RAB11FIP4: variants seen among roughly 807,000 people sequenced by gnomAD.
RAB11FIP4 encodes RAB11 family interacting protein 4.
A neutral mutation model predicts 74.3 loss-of-function variants in RAB11FIP4; 23 were observed. The ratio of observed to expected loss-of-function variants is 0.31; its 90% confidence interval spans 0.22 to 0.44. The LOEUF (loss-of-function observed/expected upper bound fraction) is 0.44, where lower values mean the gene tolerates loss of function less well. Among genes scored for constraint, RAB11FIP4 ranks in the 20% least tolerant of loss-of-function variants. The pLI is 1.00. For missense variants in RAB11FIP4, 630 were observed against 863.9 expected (o/e 0.73, Z 3.39); for synonymous variants, 360 against 359.9 (o/e 1.00, Z 0.00).
In RAB11FIP4 at chr17:31,537,012, A is replaced by T. The variant is rs372200031; in HGVS notation, c.*5280A>T. ...ACCAGCTGGGGATGGCATCCAGGCC[A>T]TGTCTCCTGCAGGATCCAAGTGCTG... On this transcript the variant is annotated 3_prime_UTR_variant, in exon 15 of 15. Transcript: ENST00000621161. 6 of 399,126 alleles carry T rather than the reference A, an allele frequency of 1.5e-5. No homozygotes were observed. Among genetic ancestry groups the T allele is most frequent in the Admixed American group, 4.4e-5 (1 of 22,724 alleles). The allele number at this position is 399,126 out of a possible 1,614,324, so 24.7% of individuals were successfully genotyped here.
chr17:31,469,069 T>C (rs1183265211), intron 3 of RAB11FIP4, among the ~76,000 whole-genome samples: 3 of 152,200 alleles, frequency 2.0e-5, no homozygotes, highest in Non-Finnish European at 4.4e-5. Context: ...GTATTGGCTT[T>C]CATTCTTATT....
chr17:31,488,447 G>A, intron 3 of RAB11FIP4: 1 of 674,904 alleles, frequency 1.5e-6, no homozygotes, highest in Non-Finnish European at 1.9e-6. Flanking sequence ...GCGGGTGGCG[G>A]CTCCTTCCCC....
intron 3 of RAB11FIP4, among the ~76,000 whole-genome samples, chr17:31,497,567 C>T (rs1448910754): frequency 2.0e-5 from 3 of 151,842 alleles, no homozygotes; most frequent in Non-Finnish European, 2.9e-5. Flanking sequence ...TGAGGCAGGA[C>T]GGAGAGAGAG....
intron 3 of RAB11FIP4, among the ~76,000 whole-genome samples, chr17:31,489,922 A>G (rs1039973010): frequency 2.6e-5 from 4 of 152,230 alleles, no homozygotes; most frequent in South Asian, 4.1e-4. Context: ...GAGGGGCGGG[A>G]CTAGCCAGGC....
At chr17:31,498,721 C>T (rs897731237) in intron 3 of RAB11FIP4, among the ~76,000 whole-genome samples, 2 of 152,208 alleles carry the variant, frequency 1.3e-5, no homozygotes, top group Non-Finnish European at 2.9e-5. Context: ...TGGATAGTGG[C>T]CTCTCTCTGG....
At chr17:31,410,320 G>A (rs1265370348) in intron 1 of RAB11FIP4, among the ~76,000 whole-genome samples, 3 of 152,074 alleles carry the variant, frequency 2.0e-5, no homozygotes, top group Non-Finnish European at 4.4e-5. Flanking sequence ...CGTGGTCCCA[G>A]GATGATGAGG....
chr17:31,437,171 T>C (rs1317964461), intron 3 of RAB11FIP4, among the ~76,000 whole-genome samples: 4 of 152,158 alleles, frequency 2.6e-5, no homozygotes, highest in Non-Finnish European at 4.4e-5. Context: ...AGTGGCAGCC[T>C]TGTTCATTAT....
At chr17:31,483,985 G>C (rs2071875859) in intron 3 of RAB11FIP4, among the ~76,000 whole-genome samples, 1 of 151,930 alleles carries the variant, frequency 6.6e-6, no homozygotes, top group South Asian at 2.1e-4. Context: ...GAGGTGGGGG[G>C]ATTGCTTGAG....
chr17:31,478,534 G>A lies in RAB11FIP4; in HGVS notation c.337-39117G>A, dbSNP rs80239689. ...TCAAGAGGGAGTGAAGAATTTCACC[G>A]GCTGATTTGACCACAGATCAATTTC... is the stretch of plus-strand genomic sequence containing the variant. On this transcript the variant is annotated intron_variant, in intron 3 of 14. Coordinates refer to ENST00000621161, the MANE Select transcript of RAB11FIP4 (RefSeq NM_032932.6). Among the ~76,000 whole-genome samples, 15 of 152,218 alleles carry A rather than the reference G, an allele frequency of 9.9e-5. No individual in the cohort carries two copies. The East Asian group carries it at 1.5e-3, about 16-fold the overall frequency.
At chr17:31,506,293 A>T (rs2072348039) in intron 3 of RAB11FIP4, among the ~76,000 whole-genome samples, 1 of 152,224 alleles carries the variant, frequency 6.6e-6, no homozygotes, top group Non-Finnish European at 1.5e-5. Context: ...ATATTTAGAG[A>T]GTACAGTCTG....
intron 3 of RAB11FIP4, among the ~76,000 whole-genome samples, chr17:31,437,044 C>T (rs1337245397): frequency 2.6e-5 from 4 of 152,124 alleles, no homozygotes; most frequent in Non-Finnish European, 5.9e-5. Context: ...CCCGCCTCGG[C>T]CTCCCAATGC....
chr17:31,525,168 C>T lies in RAB11FIP4; in HGVS notation c.1212C>T (p.His404=). Residue 404 remains histidine, a synonymous_variant, in exon 10 of 15, where the codon CAC becomes CAT. Coordinates refer to ENST00000621161, the MANE Select transcript of RAB11FIP4 (RefSeq NM_032932.6). Reference sequence around the variant, plus strand: ...CTCTGGAGGAGGAGGCGCGGCGCCACCGCGAGGCCTACGGCAAGCTGGAGA... The same window carrying T: ...CTCTGGAGGAGGAGGCGCGGCGCCATCGCGAGGCCTACGGCAAGCTGGAGA... ...EQALEEEARR[H]REAYGKLERE... The T allele has an allele frequency of 6.5e-7, 1 of 1,549,418 alleles. No individual in the cohort carries two copies. The highest frequency in any genetic ancestry group is 8.7e-7 in the Non-Finnish European group (1 of 1,146,944).
At chr17:31,444,357 C>CT (rs1555544265) in intron 3 of RAB11FIP4, among the ~76,000 whole-genome samples, 3 of 148,328 alleles carry the variant, frequency 2.0e-5, no homozygotes, top group East Asian at 1.9e-4. Flanking sequence ...ACACCCCCCC[C>CT]ACCCTTCTAA....
intron 3 of RAB11FIP4, among the ~76,000 whole-genome samples, chr17:31,504,720 T>C (rs1041481269): frequency 1.3e-5 from 2 of 152,184 alleles, no homozygotes; most frequent in African/African-American, 4.8e-5. Context: ...TATCACCCAA[T>C]ATCTACTCCA....
chr17:31,480,599 C>A (rs1486524132), intron 3 of RAB11FIP4, among the ~76,000 whole-genome samples: 1 of 151,860 alleles, frequency 6.6e-6, no homozygotes, highest in Non-Finnish European at 1.5e-5. Context: ...ACCACCCTGG[C>A]CAACATGGTG....
At chr17:31,493,973 C>T (rs949628071) in intron 3 of RAB11FIP4, among the ~76,000 whole-genome samples, 24 of 152,168 alleles carry the variant, frequency 1.6e-4, no homozygotes, top group African/African-American at 5.8e-4. Flanking sequence ...TCCTGTTCAT[C>T]CACCCCCCTG....
chr17:31,531,676 A>G lies in RAB11FIP4; in HGVS notation c.1858A>G (p.Lys620Glu). Residue 620 changes from lysine to glutamate, a missense_variant, in exon 15 of 15, where the codon AAG (lysine) becomes GAG (glutamate). Lys to Glu is a moderately conservative substitution (Grantham distance 56). Transcript: ENST00000621161. Reference sequence around the variant, plus strand: ...CTTCCGGCTGAGGCAGTACATGGACAAGATTATCCTCGCCATCCTGGACCA... The same window carrying G: ...CTTCCGGCTGAGGCAGTACATGGACGAGATTATCCTCGCCATCCTGGACCA... ...INFRLRQYMD[K>E]IILAILDHNP... 6.2e-7 allele frequency: 1 copy of G among 1,614,162 alleles called. No individual in the cohort carries two copies. Among genetic ancestry groups the G allele is most frequent in the Non-Finnish European group, 8.5e-7 (1 of 1,180,004 alleles).
chr17:31,527,252 G>A (rs1392468732), intron 10 of RAB11FIP4: 1 of 152,256 alleles, frequency 6.6e-6, no homozygotes, highest in Non-Finnish European at 1.5e-5. Context: ...GGATCTGAAG[G>A]ATGCATACAA....
At position 31,521,172 on chromosome 17, in the gene RAB11FIP4, G is replaced by T; in HGVS notation, c.570G>T (p.Leu190=). The change falls in exon 5 of 15, where the codon CTG becomes CTT. Residue 190 remains leucine, a synonymous_variant. Coordinates refer to ENST00000621161, the MANE Select transcript of RAB11FIP4 (RefSeq NM_032932.6). ...GGTGCTCTCGGACCCTCAGGTCCCT[G>T]GTCCACACTCCATCCATGACGACCT... ...GGLFLPEDKS[L]VHTPSMTTSD... 6.3e-7 allele frequency: 1 copy of T among 1,585,406 alleles called. No homozygotes were observed. The highest frequency in any genetic ancestry group is 8.6e-7 in the Non-Finnish European group (1 of 1,161,790).
Sources: gnomAD v4.1 joint callset for allele counts (sites outside exome capture counted in the v4.1 genomes callset) on GRCh38, gnomAD v4.1.1 for gene constraint, MANE v1.5 for transcripts, NCBI Gene and HGNC (gene_info 2026-07-23, HGNC 2026-07-21) for gene names.